Variants in PRICKLE2 observed in about 807,000 individuals in gnomAD.
PRICKLE2 encodes the protein prickle planar cell polarity protein 2.
PRICKLE2 carries 21 observed loss-of-function variants against 81.4 expected under a neutral mutation model. The ratio of observed to expected loss-of-function variants is 0.26; its 90% CI spans 0.18 to 0.37. The LOEUF is 0.37. Ranked by LOEUF, PRICKLE2 falls within the 10% of genes least tolerant of loss-of-function variation. The pLI is 1.00. For synonymous variants in PRICKLE2, 456 were observed against 421.5 expected (o/e 1.08, Z -1.00); for missense variants, 940 against 1,109.0 (o/e 0.85, Z 2.16).
chr3:64,245,591 A>G (rs897081048), intron 2 of PRICKLE2, among the ~76,000 whole-genome samples: 55 of 152,334 alleles, frequency 3.6e-4, no homozygotes, highest in African/African-American at 1.3e-3. Context: ...TGCACTGAGC[A>G]GTTCTGGGGC....
chr3:64,115,873 C>T (rs990396765), intron 7 of PRICKLE2, among the ~76,000 whole-genome samples: 1 of 152,076 alleles, frequency 6.6e-6, no homozygotes, highest in Non-Finnish European at 1.5e-5. Flanking sequence ...GAACTCTCCA[C>T]CCAAAAAAAC....
chr3:64,231,236 A>G (rs998638876), intron 2 of PRICKLE2, among the ~76,000 whole-genome samples: 3 of 152,204 alleles, frequency 2.0e-5, no homozygotes, highest in Admixed American at 2.0e-4. Flanking sequence ...GTGCACATCA[A>G]AATGAAAGAG....
chr3:64,147,846 G>T lies in PRICKLE2; in HGVS notation c.788-144C>A. 1.2e-6 allele frequency: 1 copy of T among 864,340 alleles called. No homozygotes were observed. The highest frequency in any genetic ancestry group is 1.7e-5 in the African/African-American group (1 of 60,402). 53.5% of individuals were successfully genotyped at this position (864,340 alleles called of 1,614,324 possible). On this transcript the variant is annotated intron_variant, in intron 6 of 7. Transcript: ENST00000638394. This position sits in a 1 kb window ranked among gnomAD's most constrained non-coding sequence, Gnocchi z 5.0. ...AATAAATCAACAATCAGACCCTTAT[G>T]TAAATGGTATTCACGTCCTATTACG...
intron 2 of PRICKLE2, chr3:64,182,597 A>T (rs1358775147): frequency 6.6e-6 from 1 of 151,836 alleles, no homozygotes; most frequent in South Asian, 2.1e-4. Context: ...GCCTTTCACC[A>T]CCTGAGGATG....
At chr3:64,105,343 G>A (rs1455554592) in intron 7 of PRICKLE2, among the ~76,000 whole-genome samples, 2 of 152,154 alleles carry the variant, frequency 1.3e-5, no homozygotes, top group Non-Finnish European at 2.9e-5. Flanking sequence ...AATCCCCTGG[G>A]AGCCAGGATC....
intron 7 of PRICKLE2, among the ~76,000 whole-genome samples, chr3:64,108,387 A>G (rs1160480798): frequency 1.3e-5 from 2 of 152,088 alleles, no homozygotes; most frequent in African/African-American, 4.8e-5. Flanking sequence ...AAGTCAATCG[A>G]TTTCCTCAAC....
In PRICKLE2 at chr3:64,120,271, G is replaced by A. The variant is rs3856944; in HGVS notation, c.1661-20346C>T. The stretch of plus-strand genomic sequence containing the variant: ...AGAAGCTATGGAATAAAGGTCTTAG[G>A]TAAGAATTAAGTTTTCAGATAATCA... On this transcript the variant is annotated intron_variant, in intron 7 of 7. Coordinates refer to ENST00000638394, the MANE Select transcript of PRICKLE2 (RefSeq NM_198859.4). Among the ~76,000 whole-genome samples the A allele has an allele frequency of 5.7e-3, 870 of 152,292 alleles. 7 individuals are homozygous for A. The highest frequency in any genetic ancestry group is 0.018 in the African/African-American group (730 of 41,552).
intron 2 of PRICKLE2, among the ~76,000 whole-genome samples, chr3:64,236,119 G>A (rs996528299): frequency 6.6e-6 from 1 of 151,912 alleles, no homozygotes; most frequent in Non-Finnish European, 1.5e-5. Flanking sequence ...AATAATTTTC[G>A]GCAAATGATT....
rs983219692 is a variant in PRICKLE2, at chr3:64,094,198, A to T, written c.*4853T>A. 1 of 152,242 alleles carries T rather than the reference A, an allele frequency of 6.6e-6. No homozygotes were observed. The highest frequency in any genetic ancestry group is 1.5e-5 in the Non-Finnish European group (1 of 68,044). 9.4% of individuals were successfully genotyped at this position (152,242 alleles called of 1,614,324 possible). A position where few individuals can be genotyped will look rare whatever the true frequency, so the allele number is the denominator to read the frequency against. On this transcript the variant is annotated 3_prime_UTR_variant, in exon 8 of 8. Coordinates refer to ENST00000638394, the MANE Select transcript of PRICKLE2 (RefSeq NM_198859.4). ...CGAAGTCCTAATTTGCTAAAAAAAAATTAATTAAAAAATGGAGGACTCATA... is the reference window on the plus strand; with the variant it reads ...CGAAGTCCTAATTTGCTAAAAAAAATTTAATTAAAAAATGGAGGACTCATA...
intron 7 of PRICKLE2, among the ~76,000 whole-genome samples, chr3:64,139,494 G>T (rs1177457615): frequency 2.0e-5 from 3 of 152,096 alleles, no homozygotes; most frequent in Admixed American, 6.5e-5. Flanking sequence ...TTCACCTCTA[G>T]CCTGGGCTAC....
chr3:64,196,676 T>C (rs1395327229), intron 2 of PRICKLE2, among the ~76,000 whole-genome samples: 1 of 152,088 alleles, frequency 6.6e-6, no homozygotes, highest in East Asian at 1.9e-4. Context: ...TTTCTGGGAG[T>C]GTTTCTATTC....
At chr3:64,102,086 G>C (rs1315679877) in intron 7 of PRICKLE2, 1 of 152,172 alleles carries the variant, frequency 6.6e-6, no homozygotes, top group Non-Finnish European at 1.5e-5. Context: ...GCCAAAAGGA[G>C]GGACATTTGT....
intron 2 of PRICKLE2, among the ~76,000 whole-genome samples, chr3:64,193,660 A>T (rs555055411): frequency 2.5e-4 from 38 of 152,294 alleles, no homozygotes; most frequent in African/African-American, 8.4e-4. Context: ...CCCAAATCTC[A>T]TCCTGCATTC....
intron 2 of PRICKLE2, among the ~76,000 whole-genome samples, chr3:64,177,843 T>A (rs1035801520): frequency 6.6e-6 from 1 of 152,256 alleles, no homozygotes; most frequent in Non-Finnish European, 1.5e-5. Context: ...TTTTCACTAC[T>A]GTGGATAATG....
chr3:64,239,071 C>A (rs534740310), intron 2 of PRICKLE2, among the ~76,000 whole-genome samples: 1 of 152,274 alleles, frequency 6.6e-6, no homozygotes, highest in South Asian at 2.1e-4. Context: ...CAGGCCCAGA[C>A]GGATGTCAGA....
rs73128627 is a variant in PRICKLE2 at position 64,252,118 on chromosome 3, A to T, written c.129-53151T>A. 3.9e-3 allele frequency among the ~76,000 whole-genome samples: 593 copies of T among 151,790 alleles called. 2 individuals are homozygous for T. Among genetic ancestry groups the T allele is most frequent in the Non-Finnish European group, 6.1e-3 (413 of 67,878 alleles). Reference sequence around the variant, plus strand: ...AACCCAACATGGTCTAAAAAAAGTAAGTAATAGGCATAATCTACACCCATA... The same window carrying T: ...AACCCAACATGGTCTAAAAAAAGTATGTAATAGGCATAATCTACACCCATA... On this transcript the variant is annotated intron_variant, in intron 2 of 8. Transcript: ENST00000295902.
At chr3:64,219,263 T>C (rs2078915112) in intron 1 of PRICKLE2, among the ~76,000 whole-genome samples, 1 of 152,194 alleles carries the variant, frequency 6.6e-6, no homozygotes, top group Admixed American at 6.5e-5. Flanking sequence ...AGACAACATA[T>C]AGATCACCTG....
rs145318480 is a variant in PRICKLE2, at chr3:64,098,276, T to C, written c.*775A>G. 1 of 152,414 alleles carries C rather than the reference T, an allele frequency of 6.6e-6. No individual in the cohort carries two copies. The highest frequency in any genetic ancestry group is 2.4e-5 in the African/African-American group (1 of 41,508). The allele number at this position is 152,414 out of a possible 1,614,324, so 9.4% of individuals were successfully genotyped here. A position where few individuals can be genotyped will look rare whatever the true frequency, so the allele number is the denominator to read the frequency against. On this transcript the variant is annotated 3_prime_UTR_variant, in exon 8 of 8. Transcript: ENST00000638394. ...TAATTGGCAAAAATTACATTTGCAA[T>C]TTAAAAAAAAATTACTACCACTTTG...
chr3:64,177,671 T>A (rs937867858), intron 2 of PRICKLE2, among the ~76,000 whole-genome samples: 1 of 152,244 alleles, frequency 6.6e-6, no homozygotes, highest in African/African-American at 2.4e-5. Flanking sequence ...TCATGCAATA[T>A]TCGTCCTTTG....
Sources: gnomAD v4.1 joint callset for allele counts (sites outside exome capture counted in the v4.1 genomes callset) on GRCh38, gnomAD v4.1.1 for gene constraint, Gnocchi (gnomAD v3.1) non-coding constraint, MANE v1.5 for transcripts, NCBI Gene and HGNC (gene_info 2026-07-23, HGNC 2026-07-21) for gene names.